PCSK5: variants seen among roughly 807,000 people sequenced by gnomAD.
The protein encoded by PCSK5 is proprotein convertase subtilisin/kexin type 5, also known as prohormone convertase 5.
A neutral mutation model predicts 233.2 loss-of-function variants in PCSK5; 129 were observed. The ratio of observed to expected loss-of-function variants is 0.55; its 90% CI spans 0.48 to 0.64. The LOEUF (loss-of-function observed/expected upper bound fraction) is 0.64. Among genes scored for constraint, PCSK5 ranks in the 30% least tolerant of loss-of-function variants. The pLI, the probability that PCSK5 is intolerant of heterozygous loss-of-function variation, is 0.00. For synonymous variants in PCSK5, 825 were observed against 879.2 expected (o/e 0.94, Z 1.09); for missense variants, 2,076 against 2,430.1 (o/e 0.85, Z 3.06).
intron 1 of PCSK5, among the ~76,000 whole-genome samples, chr9:75,909,398 G>GT (rs1374490470): frequency 1.3e-5 from 2 of 150,108 alleles, no homozygotes; most frequent in African/African-American, 4.9e-5. Context: ...GTTTTCTGTA[G>GT]TTAAAATGCC....
chr9:76,089,406 G>C (rs191384425), intron 7 of PCSK5, among the ~76,000 whole-genome samples: 1 of 152,294 alleles, frequency 6.6e-6, no homozygotes, highest in East Asian at 1.9e-4. Flanking sequence ...ATCAGATGCA[G>C]GGTCTCGACC....
chr9:75,909,756 A>G (rs527302586), intron 1 of PCSK5, among the ~76,000 whole-genome samples: 1 of 152,348 alleles, frequency 6.6e-6, no homozygotes, highest in Admixed American at 6.5e-5. Context: ...GGGCAAAAAC[A>G]GGCAGGGAGT....
intron 24 of PCSK5, among the ~76,000 whole-genome samples, chr9:76,289,317 C>A (rs1666328367): frequency 6.6e-6 from 1 of 152,120 alleles, no homozygotes; most frequent in African/African-American, 2.4e-5. Flanking sequence ...TCTGACTGAA[C>A]TTTCCCCATC....
At chr9:76,204,663 C>G (rs1278256388) in intron 20 of PCSK5, among the ~76,000 whole-genome samples, 1 of 152,130 alleles carries the variant, frequency 6.6e-6, no homozygotes, top group Non-Finnish European at 1.5e-5. Flanking sequence ...AGACTCTAAG[C>G]ATGAGGGCAG....
At chr9:76,256,462 C>T (rs1199308614) in intron 24 of PCSK5, among the ~76,000 whole-genome samples, 2 of 152,142 alleles carry the variant, frequency 1.3e-5, no homozygotes, top group Non-Finnish European at 2.9e-5. Context: ...GTTCAGAAGA[C>T]CGTCTGCCAG....
intron 32 of PCSK5, among the ~76,000 whole-genome samples, chr9:76,327,138 A>C: frequency 7.2e-6 from 1 of 138,200 alleles, no homozygotes; most frequent in Non-Finnish European, 1.5e-5. Flanking sequence ...ACAGGGTCTC[A>C]CTCTGTCACC....
chr9:76,239,028 C>A lies in PCSK5; in HGVS notation c.2936C>A (p.Ala979Asp), dbSNP rs373193064. 70 of 1,611,646 alleles carry A rather than the reference C, an allele frequency of 4.3e-5. No individual in the cohort carries two copies. Among genetic ancestry groups the A allele is most frequent in the Non-Finnish European group, 5.7e-5 (67 of 1,179,438 alleles). ...GATAGCTGCCCAGAGGGCCACTATG[C>A]CACTGAGGGGAACACCTGCCTGCCC... ...CGDSCPEGHY[A>D]TEGNTCLPCP... Residue 979 changes from alanine to aspartate, a missense_variant, in exon 23 of 38, where the codon GCC becomes GAC. Physicochemically the swap from Ala to Asp is moderately radical, Grantham distance 126. Around this residue, in one of 6 missense-constraint regions of PCSK5, gnomAD observed 1,510 missense variants for 1,538.1 expected, o/e 0.98. Transcript: ENST00000674117.
At chr9:76,190,551 CTTTATT>C (rs1313270989) in intron 20 of PCSK5, among the ~76,000 whole-genome samples, 1 of 151,552 alleles carries the variant, frequency 6.6e-6, no homozygotes, top group Non-Finnish European at 1.5e-5. Context: ...TTTTAGGAAA[CTTTATT>C]TTTAATAGCA....
chr9:75,921,752 A>G (rs1823268902), intron 1 of PCSK5, among the ~76,000 whole-genome samples: 1 of 152,202 alleles, frequency 6.6e-6, no homozygotes. Flanking sequence ...TTATCTGAGG[A>G]CTAGAGTACA....
chr9:76,328,292 C>A, intron 33 of PCSK5, 53 bp downstream of exon 33: 1 of 1,282,812 alleles, frequency 7.8e-7, no homozygotes, highest in Non-Finnish European at 1.1e-6. Context: ...TGGGAAACTG[C>A]CTTGCACACT....
rs756366598 is a variant in PCSK5, at chr9:76,096,089, A to C, written c.1094A>C (p.Tyr365Ser). The change falls in exon 8 of 38, where the codon TAC becomes TCC. Residue 365 changes from tyrosine to serine, a missense_variant. By Grantham distance (144) the Tyr-to-Ser change is moderately radical. Coordinates refer to ENST00000674117, the MANE Select transcript of PCSK5 (RefSeq NM_001372043.1). ...LATTYSSGES[Y>S]DKKIITTDLR... The stretch of plus-strand genomic sequence containing the variant: ...ACAACCTACAGCAGCGGGGAGTCCT[A>C]CGATAAGAAAATCGTACGTGACATG... The C allele has an allele frequency of 1.2e-6, 2 of 1,613,098 alleles. No homozygotes were observed. Among genetic ancestry groups the C allele is most frequent in the Non-Finnish European group, 1.7e-6 (2 of 1,179,294 alleles).
intron 10 of PCSK5, among the ~76,000 whole-genome samples, chr9:76,139,042 GC>G (rs1389370870): frequency 6.6e-6 from 1 of 151,724 alleles, no homozygotes; most frequent in Non-Finnish European, 1.5e-5. Flanking sequence ...TGACTTCTTA[GC>G]CTCCGAGGCC....
chr9:76,068,076 T>C, intron 6 of PCSK5, 33 bp downstream of exon 6: 2 of 1,478,800 alleles, frequency 1.4e-6, no homozygotes, highest in Non-Finnish European at 1.9e-6. Flanking sequence ...GATGTAGAAA[T>C]GCGCCAGTTA....
chr9:76,321,258 A>G (rs1024225792), intron 30 of PCSK5, among the ~76,000 whole-genome samples, 164 bp from the exon 31 acceptor site: 20 of 151,696 alleles, frequency 1.3e-4, no homozygotes, highest in African/African-American at 4.8e-4. Flanking sequence ...TTTTCCTTCC[A>G]TTTTTCTGAA....
At chr9:76,295,865 A>G (rs1476578316) in intron 26 of PCSK5, among the ~76,000 whole-genome samples, 1 of 152,224 alleles carries the variant, frequency 6.6e-6, no homozygotes, top group Non-Finnish European at 1.5e-5. Flanking sequence ...GGAAAGAAAT[A>G]CAGTGTGACT....
chr9:75,969,607 C>A (rs1482770289), intron 2 of PCSK5, among the ~76,000 whole-genome samples: 1 of 152,184 alleles, frequency 6.6e-6, no homozygotes, highest in East Asian at 1.9e-4. Flanking sequence ...CGGGTCTAAA[C>A]TCAAGCTTGC....
chr9:76,351,473 A>AAAGAAAGAAAGAAAGAAAGAAAGAAAG (rs1830134642), intron 36 of PCSK5, among the ~76,000 whole-genome samples: 1 of 78,406 alleles, frequency 1.3e-5, no homozygotes, highest in Admixed American at 1.5e-4. Context: ...AGAAAGAAAG[A>AAAGAAAGAAAGAAAGAAAGAAAGAAAG]AAGAAAGAAA....
chr9:75,922,458 G>A (rs1464252317), intron 1 of PCSK5, among the ~76,000 whole-genome samples: 1 of 152,136 alleles, frequency 6.6e-6, no homozygotes, highest in Non-Finnish European at 1.5e-5. Context: ...ACCTGCAAAA[G>A]CTTGTTACAT....
intron 28 of PCSK5, among the ~76,000 whole-genome samples, chr9:76,302,566 A>G (rs1828645597): frequency 6.6e-6 from 1 of 152,204 alleles, no homozygotes; most frequent in African/African-American, 2.4e-5. Context: ...TCACCGCAGC[A>G]TTGTTTGAAA....
Sources: gnomAD v4.1 joint callset for allele counts (sites outside exome capture counted in the v4.1 genomes callset) on GRCh38, gnomAD v4.1.1 for gene constraint, gnomAD v4.1.1 regional missense constraint, MANE v1.5 for transcripts, NCBI Gene and HGNC (gene_info 2026-07-23, HGNC 2026-07-21) for gene names.